The following APC variants were observed in gnomAD, a reference collection of about 807,000 sequenced individuals.
APC encodes the protein APC regulator of Wnt signaling pathway, also known as adenomatous polyposis coli protein.
In APC, 72 loss-of-function variants were observed where a neutral mutation model predicts 247.0. The ratio of observed to expected loss-of-function variants is 0.29; its 90% CI spans 0.24 to 0.35. APC has a LOEUF of 0.35. Among genes scored for constraint, APC ranks in the 10% least tolerant of loss-of-function variants. APC has a pLI of 1.00. For synonymous variants in APC, 1,254 were observed against 1,162.5 expected (o/e 1.08, Z -1.60); for missense variants, 3,400 against 3,360.7 (o/e 1.01, Z -0.29).
chr5:112,841,787 C>A lies in APC; in HGVS notation c.6193C>A (p.Pro2065Thr), dbSNP rs1220035685. The change falls in exon 16 of 16, where the codon CCC becomes ACC. Residue 2065 changes from proline (P) to threonine (T), a missense_variant. Pro to Thr is a conservative substitution (Grantham distance 38, BLOSUM62 -1). Around this residue, in one of 9 missense-constraint regions of APC, gnomAD observed 1,788 missense variants for 1,649.5 expected, o/e 1.08. Transcript: ENST00000257430. The surrounding 1 kb of genome is among the most constrained non-coding windows in gnomAD (Gnocchi z 4.6). The part of the protein sequence containing the change: ...RLKGDNEKHS[P>T]RNMGGILGED... Reference sequence around the variant, plus strand: ...CAAGGGTGATAATGAAAAACATAGTCCCAGAAATATGGGTGGCATATTAGG... The same window carrying A: ...CAAGGGTGATAATGAAAAACATAGTACCAGAAATATGGGTGGCATATTAGG... 1.2e-6 allele frequency: 2 copies of A among 1,613,972 alleles called. No individual in the cohort carries two copies. The highest frequency in any genetic ancestry group is 1.7e-6 in the Non-Finnish European group (2 of 1,179,914).
chr5:112,766,243 C>G, intron 2 of APC, 83 bp from the exon 3 acceptor site: 1 of 990,736 alleles, frequency 1.0e-6, no homozygotes, highest in Non-Finnish European at 1.6e-6. Flanking sequence ...TTTTTCTCAG[C>G]ATACTTAAAT....
chr5:112,749,588 A>G (rs1754077336), intron 1 of APC, among the ~76,000 whole-genome samples: 1 of 149,510 alleles, frequency 6.7e-6, no homozygotes, highest in Non-Finnish European at 1.5e-5. Flanking sequence ...CCCGTGTTCA[A>G]GCGATTCACC....
intron 14 of APC, among the ~76,000 whole-genome samples, chr5:112,832,720 T>G (rs749073743): frequency 2.0e-5 from 3 of 152,232 alleles, no homozygotes; most frequent in East Asian, 1.9e-4. Flanking sequence ...TCTCTGGGAA[T>G]GTACAGGTCT....
At chr5:112,754,764 A>G (rs191194609) in intron 1 of APC, 109 bp from the exon 2 acceptor site, 54 of 1,042,226 alleles carry the variant, frequency 5.2e-5, no homozygotes, top group Middle Eastern at 2.6e-4. Flanking sequence ...TATTAACACA[A>G]TTCTTCTTAA....
chr5:112,765,162 T>A (rs892729905), intron 2 of APC, among the ~76,000 whole-genome samples: 1 of 152,208 alleles, frequency 6.6e-6, no homozygotes, highest in African/African-American at 2.4e-5. Flanking sequence ...TGGAGTGCAG[T>A]GGTGAGACTG....
chr5:112,753,263 A>T (rs183639957), intron 1 of APC, among the ~76,000 whole-genome samples: 5 of 152,158 alleles, frequency 3.3e-5, no homozygotes, highest in African/African-American at 1.2e-4. Flanking sequence ...TATTTTTGAG[A>T]TGTCTCCTTT....
At chr5:112,751,695 A>T (rs1300780927) in intron 1 of APC, among the ~76,000 whole-genome samples, 2 of 151,900 alleles carry the variant, frequency 1.3e-5, no homozygotes, top group African/African-American at 4.8e-5. Flanking sequence ...ATAATATTTC[A>T]TCGATGCTTT....
chr5:112,772,990 G>A (rs1278710085), intron 4 of APC, among the ~76,000 whole-genome samples: 1 of 152,148 alleles, frequency 6.6e-6, no homozygotes, highest in African/African-American at 2.4e-5. Flanking sequence ...GTACCCAGCT[G>A]TGAATGGAGT....
chr5:112,735,858 A>G (rs1581055753), upstream of APC, among the ~76,000 whole-genome samples: 1 of 152,288 alleles, frequency 6.6e-6, no homozygotes, highest in Non-Finnish European at 1.5e-5. Flanking sequence ...CTTTACAACT[A>G]TGTCATTTAA....
rs2149978438 is a variant in APC, at chr5:112,842,618, T to A, written c.7024T>A (p.Leu2342Ile). Reference protein sequence around the residue: ...GRNGISPPNKLSQLPRTSSPS... With the variant: ...GRNGISPPNKISQLPRTSSPS... ...AAATGGAATAAGTCCTCCTAACAAA[T>A]TATCTCAACTTCCAAGGACATCATC... The change falls in exon 16 of 16, where the codon TTA becomes ATA. Residue 2342 changes from leucine to isoleucine, a missense_variant. This residue lies in a region of APC where 1,788 missense variants were observed against 1,649.5 expected (regional missense o/e 1.08). Transcript: ENST00000257430. 6.2e-7 allele frequency: 1 copy of A among 1,613,952 alleles called. No individual in the cohort carries two copies. Among genetic ancestry groups the A allele is most frequent in the Non-Finnish European group, 8.5e-7 (1 of 1,179,894 alleles).
At chr5:112,812,000 G>T (rs773987222) in intron 8 of APC, among the ~76,000 whole-genome samples, 2 of 152,150 alleles carry the variant, frequency 1.3e-5, no homozygotes, top group African/African-American at 2.4e-5. Context: ...CAGCCAGAGA[G>T]ACATCAGTTC....
chr5:112,728,154 G>A (rs1478042294), intron 1 of APC, among the ~76,000 whole-genome samples: 2 of 151,794 alleles, frequency 1.3e-5, no homozygotes, highest in East Asian at 1.9e-4. Context: ...TTGAGACAGA[G>A]TCTCTCTCTG....
chr5:112,768,467 T>C (rs1756619698), intron 4 of APC, among the ~76,000 whole-genome samples: 1 of 151,640 alleles, frequency 6.6e-6, no homozygotes, highest in Admixed American at 6.6e-5. Context: ...AGATGACTCT[T>C]TTCATTATGG....
At position 112,837,919 on chromosome 5, in the gene APC, T is replaced by A. The variant is rs779918968; in HGVS notation, c.2325T>A (p.Asn775Lys). Residue 775 changes from asparagine to lysine, a missense_variant, in exon 16 of 16, where the codon AAT becomes AAA. Transcript: ENST00000257430. ...DAQHLSETFD[N>K]IDNLSPKASH... ...AGCACTTATCAGAAACTTTTGACAA[T>A]ATAGACAATTTAAGTCCCAAGGCAT... is the stretch of plus-strand genomic sequence containing the variant. 1 of 1,614,044 alleles carries A rather than the reference T, an allele frequency of 6.2e-7. No individual in the cohort carries two copies. Among genetic ancestry groups the A allele is most frequent in the South Asian group, 1.1e-5 (1 of 91,082 alleles).
In APC at chr5:112,756,007, C is replaced by G. The variant is rs4099181; in HGVS notation, c.135+982C>G. Among the ~76,000 whole-genome samples the G allele has an allele frequency of 0.53, 81,193 of 151,822 alleles. 22,280 individuals carry two copies. The highest frequency in any genetic ancestry group is 0.8 in the East Asian group (4,113 of 5,168). ...AATCTTCCTGCTTTGTGTTGTTTCT[C>G]CCTCTTGGCTATTTTAACATTTGAG... On this transcript the variant is annotated intron_variant, in intron 2 of 15. Coordinates refer to ENST00000257430, the MANE Select transcript of APC (RefSeq NM_000038.6).
intron 8 of APC, chr5:112,809,995 C>CAA: frequency 1.0e-4 from 31 of 309,106 alleles, no homozygotes; most frequent in Admixed American, 2.0e-4. Flanking sequence ...GACTCCGTCT[C>CAA]AAAAAAAAAA....
intron 1 of APC, among the ~76,000 whole-genome samples, chr5:112,741,920 G>C (rs568586722): frequency 2.6e-5 from 4 of 151,812 alleles, no homozygotes; most frequent in Non-Finnish European, 5.9e-5. Flanking sequence ...ATAATGTCTC[G>C]AAGGTTCATC....
chr5:112,790,474 C>T (rs1174593942), intron 6 of APC, among the ~76,000 whole-genome samples: 7 of 151,670 alleles, frequency 4.6e-5, no homozygotes, highest in African/African-American at 1.5e-4. Flanking sequence ...TACAGGCACG[C>T]GTCACCCATG....
intron 2 of APC, among the ~76,000 whole-genome samples, 157 bp from the exon 3 acceptor site, chr5:112,766,165 GATTT>G (rs1222716361): frequency 2.0e-5 from 3 of 152,166 alleles, no homozygotes; most frequent in South Asian, 2.1e-4. Context: ...ATTTGGCCAT[GATTT>G]ATTTATTAAT....
Sources: allele counts gnomAD v4.1 joint callset (sites outside exome capture counted in the v4.1 genomes callset), GRCh38; gene constraint gnomAD v4.1.1; regional missense constraint gnomAD v4.1.1; non-coding constraint Gnocchi (gnomAD v3.1); transcripts MANE v1.5; gene names NCBI Gene and HGNC (gene_info 2026-07-23, HGNC 2026-07-21).